Variants in CPSF4 observed in about 807,000 individuals in gnomAD.
CPSF4 encodes the protein cleavage and polyadenylation specific factor 4, also known as cleavage and polyadenylation specificity factor subunit 4.
In CPSF4, 11 loss-of-function variants were observed where a neutral mutation model predicts 37.7. The ratio of observed to expected loss-of-function variants is 0.29; its 90% confidence interval spans 0.18 to 0.48. The LOEUF (loss-of-function observed/expected upper bound fraction) is 0.48, where lower values mean the gene tolerates loss of function less well. Ranked by LOEUF, CPSF4 falls within the 20% of genes least tolerant of loss-of-function variation. The pLI is 0.99. For synonymous variants in CPSF4, 132 were observed against 135.9 expected, an observed-to-expected ratio of 0.97 and a Z score of 0.20; for missense variants, 144 against 359.5, an observed-to-expected ratio of 0.40 and a Z score of 4.85.
chr7:99,441,683 T>C (rs866968145), intron 1 of CPSF4, among the ~76,000 whole-genome samples: 1 of 148,204 alleles, frequency 6.7e-6, no homozygotes, highest in Non-Finnish European at 1.5e-5. Flanking sequence ...CCAGAAGTAC[T>C]TTCAGAATTT....
chr7:99,452,416 G>T lies in CPSF4; in HGVS notation c.546G>T (p.Pro182=), dbSNP rs17854665. 5 of 1,613,696 alleles carry T rather than the reference G, an allele frequency of 3.1e-6. No individual in the cohort carries two copies. The African/African-American group carries it at 6.7e-5, about 22-fold the overall frequency. Residue 182 remains proline, a synonymous_variant, in exon 6 of 8, where the codon CCG becomes CCT. Coordinates refer to ENST00000292476, the MANE Select transcript of CPSF4 (RefSeq NM_006693.4). Reference sequence around the variant, plus strand: ...GAACCACCGAGCAGCCCCCACTGCCGCAGCAGACACAGCCTCCAGCAAAGG... The same window carrying T: ...GAACCACCGAGCAGCCCCCACTGCCTCAGCAGACACAGCCTCCAGCAAAGG... ...PMGTTEQPPL[P]QQTQPPAKQS... is the part of the protein sequence containing the mutation.
chr7:99,456,696 C>T lies in CPSF4; in HGVS notation c.*196C>T. 1.5e-6 allele frequency: 1 copy of T among 661,254 alleles called. No homozygotes were observed. Among genetic ancestry groups the T allele is most frequent in the Non-Finnish European group, 2.8e-6 (1 of 360,086 alleles). The allele number at this position is 661,254 out of a possible 1,614,324, so 41.0% of individuals were successfully genotyped here. A position where few individuals can be genotyped will look rare whatever the true frequency, so the allele number is the denominator to read the frequency against. On this transcript the variant is annotated 3_prime_UTR_variant, in exon 8 of 8. Coordinates refer to ENST00000292476, the MANE Select transcript of CPSF4 (RefSeq NM_006693.4). ...ATTTTTTGAAAAAGGGACATGTGTC[C>T]TGTGGGTCCCTGCAGTCGACATCAT...
intron 1 of CPSF4, among the ~76,000 whole-genome samples, chr7:99,440,674 A>ATATATATATATATATATATATT: frequency 2.3e-5 from 2 of 88,088 alleles, no homozygotes; most frequent in African/African-American, 1.9e-4. Flanking sequence ...ATATATATAT[A>ATATATATATATATATATATATT]TTTTTTTTTT....
intron 1 of CPSF4, 123 bp downstream of exon 1, chr7:99,439,308 C>T (rs1447521234): frequency 4.5e-6 from 3 of 664,170 alleles, no homozygotes; most frequent in Non-Finnish European, 7.4e-6. Context: ...GATCCTGGGA[C>T]CCCTCCCCTT....
chr7:99,443,045 A>T, intron 1 of CPSF4: 1 of 1,187,062 alleles, frequency 8.4e-7, no homozygotes, highest in East Asian at 2.3e-5. Flanking sequence ...CATTCAAACC[A>T]AATCTTTGAG....
rs1797712462 is a variant in CPSF4 at position 99,448,601 on chromosome 7, C to T, written c.307+328C>T. ...AGGCGTGAGCCACCACGCCTGGCCC[C>T]GCGCATCACTTTGGAGTGCTTCAGT... On this transcript the variant is annotated intron_variant, in intron 3 of 7. Coordinates refer to ENST00000292476, the MANE Select transcript of CPSF4 (RefSeq NM_006693.4). This position sits in a 1 kb window ranked among gnomAD's most constrained non-coding sequence, Gnocchi z 4.4. 8.6e-6 allele frequency: 2 copies of T among 231,856 alleles called. No homozygotes were observed. Among genetic ancestry groups the T allele is most frequent in the Non-Finnish European group, 1.7e-5 (2 of 117,796 alleles). The allele number at this position is 231,856 out of a possible 1,614,324, so 14.4% of individuals were successfully genotyped here.
rs1797666887 is a variant in CPSF4, at chr7:99,448,012, C to CAGGTGGCTCCAGGAGTT, written c.155-105_155-89dup. ...GCCCCTTTCCAGGACGTGATGCCTT[C>CAGGTGGCTCCAGGAGTT]AGGTGGCTCCAGGAGTTAGGAAGTG... On this transcript the variant is annotated intron_variant, in intron 2 of 7. Coordinates refer to ENST00000292476, the MANE Select transcript of CPSF4 (RefSeq NM_006693.4). The surrounding 1 kb of genome is among the most constrained non-coding windows in gnomAD (Gnocchi z 4.4). 1.8e-6 allele frequency: 2 copies of CAGGTGGCTCCAGGAGTT among 1,082,802 alleles called. No individual in the cohort carries two copies. Among genetic ancestry groups the CAGGTGGCTCCAGGAGTT allele is most frequent in the Non-Finnish European group, 2.7e-6 (2 of 737,036 alleles). The allele number at this position is 1,082,802 out of a possible 1,614,324, so 67.1% of individuals were successfully genotyped here.
At chr7:99,450,482 T>C in intron 4 of CPSF4, 111 bp downstream of exon 4, 2 of 809,212 alleles carry the variant, frequency 2.5e-6, no homozygotes, top group South Asian at 1.6e-5. Context: ...CCTGACATTC[T>C]GCAGCTAGCG....
intron 1 of CPSF4, among the ~76,000 whole-genome samples, chr7:99,441,757 A>G (rs1233069645): frequency 6.6e-6 from 1 of 151,770 alleles, no homozygotes; most frequent in African/African-American, 2.4e-5. Flanking sequence ...CAGTGACGCG[A>G]TCTTGGCTCA....
intron 5 of CPSF4, chr7:99,451,186 A>C (rs117771685): frequency 5.8e-6 from 1 of 172,388 alleles, no homozygotes; most frequent in African/African-American, 2.4e-5. Context: ...GGGGTTTCAC[A>C]TAGAATAAGT....
rs1797735318 is a variant in CPSF4 at position 99,448,817 on chromosome 7, A to G, written c.307+544A>G. Reference sequence around the variant, plus strand: ...AGCTGGTTCCTTCTCTCCAGGAGCCATGATCCTGGTGACATCTCAGCCATC... The same window carrying G: ...AGCTGGTTCCTTCTCTCCAGGAGCCGTGATCCTGGTGACATCTCAGCCATC... On this transcript the variant is annotated intron_variant, in intron 3 of 7. Transcript: ENST00000292476. This position sits in a 1 kb window ranked among gnomAD's most constrained non-coding sequence, Gnocchi z 4.4. 1 of 153,240 alleles carries G rather than the reference A, an allele frequency of 6.5e-6. No individual in the cohort carries two copies. Among genetic ancestry groups the G allele is most frequent in the Non-Finnish European group, 1.5e-5 (1 of 68,850 alleles). The allele number at this position is 153,240 out of a possible 1,614,324, so 9.5% of individuals were successfully genotyped here.
intron 1 of CPSF4, chr7:99,441,352 C>T (rs1464884403): frequency 6.6e-6 from 3 of 454,424 alleles, no homozygotes; most frequent in Admixed American, 4.7e-5. Context: ...CATCCACAAG[C>T]CTGTGAGGGG....
At chr7:99,450,176 C>T (rs1302580419) in intron 3 of CPSF4, 100 bp from the exon 4 acceptor site, 19 of 867,902 alleles carry the variant, frequency 2.2e-5, no homozygotes, top group African/African-American at 3.4e-5. Context: ...CAGGGCTCGT[C>T]AGGCCAAAAC....
intron 1 of CPSF4, among the ~76,000 whole-genome samples, chr7:99,444,072 C>T (rs1201891151): frequency 2.0e-5 from 3 of 152,194 alleles, no homozygotes; most frequent in Non-Finnish European, 2.9e-5. Flanking sequence ...ATTGTCTGTA[C>T]GTCTGTGAGA....
chr7:99,442,670 A>AAC (rs796227978), intron 1 of CPSF4, among the ~76,000 whole-genome samples: 2 of 143,972 alleles, frequency 1.4e-5, no homozygotes, highest in African/African-American at 5.8e-5. Context: ...AAAAAAAAAA[A>AAC]AAAAACAAAA....
chr7:99,452,739 C>T (rs1798024770), intron 6 of CPSF4: 1 of 331,918 alleles, frequency 3.0e-6, no homozygotes, highest in Non-Finnish European at 5.6e-6. Flanking sequence ...AGCGTCTGCC[C>T]CTGGGGCTGG....
In CPSF4 at chr7:99,453,485, C is replaced by T. The variant is rs1229618655; in HGVS notation, c.571-481C>T. ...AGGAGGCCCTGCTGTGGAATCCCTA[C>T]CCCAGGAGCCCTGGCCCTCCTCCTG... On this transcript the variant is annotated intron_variant, in intron 6 of 7. Transcript: ENST00000292476. The surrounding 1 kb of genome is among the most constrained non-coding windows in gnomAD (Gnocchi z 4.7). 1 of 152,588 alleles carries T rather than the reference C, an allele frequency of 6.6e-6. No homozygotes were observed. The highest frequency in any genetic ancestry group is 1.5e-5 in the Non-Finnish European group (1 of 68,360). 9.5% of individuals were successfully genotyped at this position (152,588 alleles called of 1,614,324 possible).
In CPSF4 at chr7:99,448,272, C is replaced by T. The variant is rs767880639; in HGVS notation, c.306C>T (p.Phe102=). The change falls in exon 3 of 8, where the codon TTC becomes TTT. Residue 102 remains phenylalanine, a splice_region_variant and synonymous_variant. Coordinates refer to ENST00000292476, the MANE Select transcript of CPSF4 (RefSeq NM_006693.4). The surrounding 1 kb of genome is among the most constrained non-coding windows in gnomAD (Gnocchi z 4.4). ...CCGAGTGCTACTTCTACTCCAAGTTCGGTAAGGCGCCTGGAGCCCTGGAGG... is the reference window on the plus strand; with the variant it reads ...CCGAGTGCTACTTCTACTCCAAGTTTGGTAAGGCGCCTGGAGCCCTGGAGG... ...KMPECYFYSK[F]GECSNKECPF... The T allele has an allele frequency of 1.2e-5, 19 of 1,613,848 alleles. No homozygotes were observed. Among genetic ancestry groups the T allele is most frequent in the African/African-American group, 9.3e-5 (7 of 74,896 alleles).
Position 99,448,433 on chromosome 7 carries a change from A to C in CPSF4, c.307+160A>C. On this transcript the variant is annotated intron_variant, in intron 3 of 7. Transcript: ENST00000292476. This position sits in a 1 kb window ranked among gnomAD's most constrained non-coding sequence, Gnocchi z 4.4. The stretch of plus-strand genomic sequence containing the variant: ...GCCAGCCTCAGCCAGCTTTTAGGGG[A>C]CAGTGTGGCTATTTTCTGCTCATCT... The C allele has an allele frequency of 1.7e-6, 1 of 604,578 alleles. No homozygotes were observed. Among genetic ancestry groups the C allele is most frequent in the Non-Finnish European group, 2.7e-6 (1 of 365,820 alleles). The allele number at this position is 604,578 out of a possible 1,614,324, so 37.5% of individuals were successfully genotyped here.
Sources: gnomAD v4.1 joint callset for allele counts (sites outside exome capture counted in the v4.1 genomes callset) on GRCh38, gnomAD v4.1.1 for gene constraint, Gnocchi (gnomAD v3.1) non-coding constraint, MANE v1.5 for transcripts, NCBI Gene and HGNC (gene_info 2026-07-23, HGNC 2026-07-21) for gene names.